Variants in KLC1 observed in about 807,000 individuals in gnomAD.
KLC1 encodes the protein kinesin 2 60/70kDa.
Under a neutral mutation model 84.2 loss-of-function variants are expected in KLC1, and 30 were observed. The ratio of observed to expected loss-of-function variants is 0.36; its 90% confidence interval spans 0.27 to 0.48. The LOEUF is 0.48. KLC1 is among the 20% of genes least tolerant of loss of function. The pLI is 0.99. For missense variants in KLC1, 499 were observed against 805.4 expected, an observed-to-expected ratio of 0.62 and a Z score of 4.60; for synonymous variants, 289 against 293.3, an observed-to-expected ratio of 0.99 and a Z score of 0.15.
intron 15 of KLC1, chr14:103,698,076 T>G (rs1249894538): frequency 6.5e-6 from 1 of 153,216 alleles, no homozygotes; most frequent in Non-Finnish European, 1.5e-5. Flanking sequence ...GTGCCAGCCC[T>G]GCGCTGCCTG....
At chr14:103,675,058 G>T (rs994940981) in intron 9 of KLC1, among the ~76,000 whole-genome samples, 21 of 152,204 alleles carry the variant, frequency 1.4e-4, no homozygotes, top group African/African-American at 5.1e-4. Flanking sequence ...GCTGGGCGCG[G>T]TGGCTCACGC....
chr14:103,699,201 C>G, intron 15 of KLC1: 2 of 1,553,930 alleles, frequency 1.3e-6, no homozygotes, highest in African/African-American at 1.4e-5. Context: ...CAGTCCAGGT[C>G]AGCTGCAACG....
intron 1 of KLC1, among the ~76,000 whole-genome samples, chr14:103,641,169 C>T (rs891847821): frequency 5.3e-5 from 8 of 152,190 alleles, no homozygotes; most frequent in African/African-American, 1.4e-4. Context: ...AAGTGATCCA[C>T]CTGCCTCGGC....
At chr14:103,700,793 A>AG in intron 16 of KLC1, 66 bp downstream of exon 16, 1 of 1,317,074 alleles carries the variant, frequency 7.6e-7, no homozygotes, top group African/African-American at 1.5e-5. Context: ...TTGCACATGC[A>AG]GGGACTGGGG....
intron 15 of KLC1, chr14:103,700,352 G>A (rs1385431336): frequency 2.3e-5 from 8 of 352,854 alleles, no homozygotes; most frequent in African/African-American, 4.3e-5. Flanking sequence ...CTCCCTCTGG[G>A]TGCTGCCGTG....
chr14:103,646,562 G>A (rs1280981046), intron 1 of KLC1, among the ~76,000 whole-genome samples: 1 of 152,186 alleles, frequency 6.6e-6, no homozygotes, highest in Non-Finnish European at 1.5e-5. Context: ...CCAGGCTGAA[G>A]TGCAGTGGCA....
chr14:103,654,338 G>A (rs2078687848), intron 1 of KLC1, among the ~76,000 whole-genome samples: 2 of 152,144 alleles, frequency 1.3e-5, no homozygotes, highest in Non-Finnish European at 2.9e-5. Flanking sequence ...AATTTCAGTT[G>A]CTGTCATAAA....
chr14:103,697,097 C>A lies in KLC1; in HGVS notation c.1849-3558C>A, dbSNP rs535745884. ...CGCTGGCATGTCTTGCCTAGAAAAG[C>A]ATTTGGAATTGCTTATGTTCAATTA... On this transcript the variant is annotated intron_variant, in intron 15 of 16. Coordinates refer to ENST00000334553, the MANE Select transcript of KLC1 (RefSeq NM_001394837.1). 8 of 985,430 alleles carry A rather than the reference C, an allele frequency of 8.1e-6. No homozygotes were observed. In the South Asian group the frequency reaches 2.3e-4, roughly 29 times the overall value. 61.0% of individuals were successfully genotyped at this position (985,430 alleles called of 1,614,324 possible). A position where few individuals can be genotyped will look rare whatever the true frequency, so the allele number is the denominator to read the frequency against.
chr14:103,683,039 C>A (rs1223370607), intron 13 of KLC1: 1 of 152,162 alleles, frequency 6.6e-6, no homozygotes, highest in African/African-American at 2.4e-5. Flanking sequence ...GTTATAATAA[C>A]CACATACACC....
intron 2 of KLC1, among the ~76,000 whole-genome samples, chr14:103,656,613 C>T (rs1284930410): frequency 6.6e-6 from 1 of 152,184 alleles, no homozygotes; most frequent in Non-Finnish European, 1.5e-5. Flanking sequence ...TCATCCTAAC[C>T]ATGTTACAGC....
At chr14:103,643,457 A>T (rs1352696190) in intron 1 of KLC1, among the ~76,000 whole-genome samples, 1 of 152,222 alleles carries the variant, frequency 6.6e-6, no homozygotes, top group Non-Finnish European at 1.5e-5. Context: ...ATTGTTATGA[A>T]AAGATTCAAA....
rs548069763 is a variant in KLC1 at position 103,670,244 on chromosome 14, A to G, written c.948A>G (p.Ala316=). 6.2e-7 allele frequency: 1 copy of G among 1,613,424 alleles called. No homozygotes were observed. Residue 316 remains alanine, a synonymous_variant, in exon 7 of 17, where the codon GCA becomes GCG. Transcript: ENST00000334553. ...LYGKRGKYKE[A]EPLCKRALEI... ...GTAAAAGAGGGAAGTACAAAGAAGC[A>G]GAGCCGTTGTGTAAAAGAGCTCTGG...
Position 103,657,602 on chromosome 14 carries a change from G to C in KLC1, c.318G>C (p.Leu106=). The C allele has an allele frequency of 6.2e-7, 1 of 1,614,186 alleles. No homozygotes were observed. ...LNAVESEKQK[L]RAQVRRLCQE... Reference sequence around the variant, plus strand: ...CTGTGGAGTCCGAGAAGCAGAAACTGCGTGCGCAGGTTCGTCGTCTGTGCC... The same window carrying C: ...CTGTGGAGTCCGAGAAGCAGAAACTCCGTGCGCAGGTTCGTCGTCTGTGCC... The change falls in exon 3 of 17, where the codon CTG becomes CTC. Residue 106 remains leucine (L), a synonymous_variant. Coordinates refer to ENST00000334553, the MANE Select transcript of KLC1 (RefSeq NM_001394837.1).
At chr14:103,663,918 C>T (rs980782921) in intron 5 of KLC1, among the ~76,000 whole-genome samples, 1 of 152,066 alleles carries the variant, frequency 6.6e-6, no homozygotes, top group Non-Finnish European at 1.5e-5. Flanking sequence ...ACTACCCACA[C>T]GCATAAGTGA....
chr14:103,631,283 T>C (rs1433149810), intron 1 of KLC1, among the ~76,000 whole-genome samples: 1 of 152,166 alleles, frequency 6.6e-6, no homozygotes, highest in Admixed American at 6.5e-5. Flanking sequence ...GGTTTCAACA[T>C]GTTAGCCAGG....
intron 5 of KLC1, among the ~76,000 whole-genome samples, chr14:103,668,158 G>A (rs747360367): frequency 6.6e-6 from 1 of 152,226 alleles, no homozygotes; most frequent in Non-Finnish European, 1.5e-5. Context: ...CTGGGACTGC[G>A]TGAGGTCACG....
At position 103,693,841 on chromosome 14, in the gene KLC1, G is replaced by A. The variant is rs2273174; in HGVS notation, c.1848+1416G>A. On this transcript the variant is annotated intron_variant, in intron 15 of 16. Transcript: ENST00000334553. This position sits in a 1 kb window ranked among gnomAD's most constrained non-coding sequence, Gnocchi z 5.1. Reference sequence around the variant, plus strand: ...CCCAGTGCCAGGAGCCACCCCGACCGCGACCCGGCCAGGCTGGCTCAGGGA... The same window carrying A: ...CCCAGTGCCAGGAGCCACCCCGACCACGACCCGGCCAGGCTGGCTCAGGGA... 9 of 1,381,192 alleles carry A rather than the reference G, an allele frequency of 6.5e-6. No individual in the cohort carries two copies. Among genetic ancestry groups the A allele is most frequent in the African/African-American group, 2.9e-5 (2 of 67,970 alleles). 85.6% of individuals were successfully genotyped at this position (1,381,192 alleles called of 1,614,324 possible).
At chr14:103,655,163 G>A (rs1214015260) in intron 2 of KLC1, among the ~76,000 whole-genome samples, 1 of 152,048 alleles carries the variant, frequency 6.6e-6, no homozygotes, top group African/African-American at 2.4e-5. Flanking sequence ...GGAGGCAGAG[G>A]TTGCAGGGAG....
chr14:103,636,588 T>C (rs1264223622), intron 1 of KLC1, among the ~76,000 whole-genome samples: 2 of 152,106 alleles, frequency 1.3e-5, no homozygotes, highest in African/African-American at 4.8e-5. Context: ...TAATGTGCAT[T>C]TCACTGATGA....
Sources: allele counts gnomAD v4.1 joint callset (sites outside exome capture counted in the v4.1 genomes callset), GRCh38; gene constraint gnomAD v4.1.1; non-coding constraint Gnocchi (gnomAD v3.1); transcripts MANE v1.5; gene names NCBI Gene and HGNC (gene_info 2026-07-23, HGNC 2026-07-21).